The following KCNMA1 variants were observed in gnomAD, a reference collection of about 807,000 sequenced individuals.
KCNMA1 encodes the protein Calcium-activated potassium channel subunit alpha-1.
Under a neutral mutation model 140.0 loss-of-function variants are expected in KCNMA1, and 29 were observed. The ratio of observed to expected loss-of-function variants is 0.21; its 90% CI spans 0.15 to 0.28. KCNMA1 has a LOEUF of 0.28. Among genes scored for constraint, KCNMA1 ranks in the 10% least tolerant of loss-of-function variants. The probability of loss-of-function intolerance (pLI) is 1.00; values close to 1 mark genes in which losing one functional copy is unlikely to be tolerated. For synonymous variants in KCNMA1, 612 were observed against 611.9 expected (o/e 1.00, Z 0.00); for missense variants, 880 against 1,602.2 (o/e 0.55, Z 7.70).
At position 76,884,905 on chromosome 10, in the gene KCNMA1, T is replaced by G. The variant is rs1270664485; in HGVS notation, c.*2361A>C. On this transcript the variant is annotated 3_prime_UTR_variant, in exon 28 of 28. Coordinates refer to ENST00000286628, the MANE Select transcript of KCNMA1 (RefSeq NM_001161352.2). ...AATTTGTAACTCCTTTTTTTTTAAT[T>G]TCACAAAAGTTTTCACAAGGACAAC... 1.4e-6 allele frequency: 2 copies of G among 1,447,282 alleles called. No individual in the cohort carries two copies. The highest frequency in any genetic ancestry group is 1.8e-6 in the Non-Finnish European group (2 of 1,100,018). The allele number at this position is 1,447,282 out of a possible 1,614,324, so 89.7% of individuals were successfully genotyped here.
intron 2 of KCNMA1, among the ~76,000 whole-genome samples, chr10:77,256,026 G>A (rs2060668092): frequency 6.6e-6 from 1 of 152,106 alleles, no homozygotes; most frequent in Non-Finnish European, 1.5e-5. Context: ...GAAAATCCCG[G>A]TGGACCATGA....
At chr10:77,107,965 G>T (rs1415236767) in intron 9 of KCNMA1, among the ~76,000 whole-genome samples, 1 of 152,128 alleles carries the variant, frequency 6.6e-6, no homozygotes, top group Non-Finnish European at 1.5e-5. Context: ...TGAGGGACCA[G>T]AATTTTATCA....
intron 1 of KCNMA1, among the ~76,000 whole-genome samples, chr10:77,496,470 G>A (rs1374462338): frequency 7.9e-5 from 12 of 151,950 alleles, no homozygotes; most frequent in Middle Eastern, 3.4e-3. Flanking sequence ...GGTGGCGGGC[G>A]CCTGTAGTCC....
chr10:77,346,079 T>C (rs1344074222), intron 2 of KCNMA1, among the ~76,000 whole-genome samples: 1 of 152,210 alleles, frequency 6.6e-6, no homozygotes, highest in Non-Finnish European at 1.5e-5. Flanking sequence ...AAACGTTGCT[T>C]TAATTGAACA....
chr10:77,507,547 C>T (rs149933786), intron 1 of KCNMA1, among the ~76,000 whole-genome samples: 2,199 of 152,332 alleles, frequency 0.014, 33 homozygotes, highest in Non-Finnish European at 0.023. Flanking sequence ...GCAGGCTCCA[C>T]GCTCCTGGGT....
intron 1 of KCNMA1, among the ~76,000 whole-genome samples, chr10:77,476,319 A>G (rs2098277150): frequency 6.6e-6 from 1 of 152,186 alleles, no homozygotes; most frequent in South Asian, 2.1e-4. Flanking sequence ...TGGGGAGCTG[A>G]GCTGTTTGGC....
intron 1 of KCNMA1, among the ~76,000 whole-genome samples, chr10:77,551,552 T>C (rs989734964): frequency 6.6e-6 from 1 of 152,232 alleles, no homozygotes; most frequent in East Asian, 1.9e-4. Context: ...TCTGAGGCAC[T>C]GCTCTCCATG....
At chr10:77,510,511 A>G (rs917287814) in intron 1 of KCNMA1, among the ~76,000 whole-genome samples, 6 of 152,214 alleles carry the variant, frequency 3.9e-5, no homozygotes, top group African/African-American at 1.4e-4. Flanking sequence ...TCTCAGGATC[A>G]AATAAGCCTG....
intron 2 of KCNMA1, among the ~76,000 whole-genome samples, chr10:77,335,539 C>T (rs1159956213): frequency 1.3e-5 from 2 of 152,148 alleles, no homozygotes; most frequent in Non-Finnish European, 2.9e-5. Context: ...TAGAGTGAGG[C>T]CTAGGGATGT....
At position 77,138,444 on chromosome 10, in the gene KCNMA1, A is replaced by G. The variant is rs1273731937; in HGVS notation, c.809-17396T>C. ...TGGTCTGACTTTACATCTTAAATAT[A>G]TGTGAAATAACTTATCTTTTCCCTC... is the stretch of plus-strand genomic sequence containing the variant. On this transcript the variant is annotated intron_variant, in intron 5 of 27. Coordinates refer to ENST00000286628, the MANE Select transcript of KCNMA1 (RefSeq NM_001161352.2). Among the ~76,000 whole-genome samples the G allele has an allele frequency of 3.9e-5, 6 of 152,192 alleles. No homozygotes were observed. In the East Asian group the frequency reaches 1.2e-3, roughly 30 times the overall value.
At chr10:77,547,457 G>A (rs1342031315) in intron 1 of KCNMA1, among the ~76,000 whole-genome samples, 1 of 152,158 alleles carries the variant, frequency 6.6e-6, no homozygotes, top group Admixed American at 6.5e-5. Flanking sequence ...CAGGGAGGGA[G>A]GGCATACAGA....
Position 77,571,999 on chromosome 10 carries a change from C to T in KCNMA1, c.378+65266G>A, listed in dbSNP as rs78668464. On this transcript the variant is annotated intron_variant, in intron 1 of 27. Coordinates refer to ENST00000286628, the MANE Select transcript of KCNMA1 (RefSeq NM_001161352.2). ...AATGGAAGGGAGGAAAAAACGCACA[C>T]GCCTGTGTAGTCAGCAGTTCCAATT... Among the ~76,000 whole-genome samples, 1,485 of 152,264 alleles carry T rather than the reference C, an allele frequency of 9.8e-3. 26 individuals are homozygous for T. The highest frequency in any genetic ancestry group is 0.034 in the African/African-American group (1,407 of 41,548).
At chr10:77,587,657 C>A (rs966905964) in intron 1 of KCNMA1, 107 of 977,018 alleles carry the variant, frequency 1.1e-4, no homozygotes, top group Non-Finnish European at 1.2e-4. Flanking sequence ...TCTGAGGACA[C>A]CTTCAGTGGA....
chr10:77,079,445 G>A (rs781717950), intron 13 of KCNMA1, 36 bp downstream of exon 13: 2 of 1,305,720 alleles, frequency 1.5e-6, no homozygotes, highest in South Asian at 1.2e-5. Flanking sequence ...CCTGTGGATG[G>A]GTCTTCAGAC....
intron 16 of KCNMA1, among the ~76,000 whole-genome samples, chr10:77,021,429 A>C (rs2092832387): frequency 6.6e-6 from 1 of 152,220 alleles, no homozygotes; most frequent in Non-Finnish European, 1.5e-5. Context: ...GGTGATTATA[A>C]AACTGAGAGG....
chr10:77,126,426 T>G (rs915642037), intron 5 of KCNMA1, among the ~76,000 whole-genome samples: 24 of 152,352 alleles, frequency 1.6e-4, no homozygotes, highest in African/African-American at 4.6e-4. Flanking sequence ...ACAAGTTCCC[T>G]TGCATTTTTT....
chr10:77,405,425 G>T (rs564216418), intron 1 of KCNMA1, among the ~76,000 whole-genome samples: 18 of 152,348 alleles, frequency 1.2e-4, no homozygotes, highest in African/African-American at 4.3e-4. Flanking sequence ...ATGAATGAAT[G>T]ACTAGAAAGG....
At chr10:77,201,961 T>C (rs2042631953) in intron 3 of KCNMA1, among the ~76,000 whole-genome samples, 1 of 152,204 alleles carries the variant, frequency 6.6e-6, no homozygotes, top group Non-Finnish European at 1.5e-5. Flanking sequence ...TGGGGAAAGC[T>C]TGGAAAGGAT....
intron 3 of KCNMA1, among the ~76,000 whole-genome samples, chr10:77,232,552 T>C (rs2053962094): frequency 6.6e-6 from 1 of 152,252 alleles, no homozygotes; most frequent in African/African-American, 2.4e-5. Flanking sequence ...ACTATTTGTA[T>C]ATCTTCTTTA....
Sources: allele counts gnomAD v4.1 joint callset (sites outside exome capture counted in the v4.1 genomes callset), GRCh38; gene constraint gnomAD v4.1.1; transcripts MANE v1.5; gene names NCBI Gene and HGNC (gene_info 2026-07-23, HGNC 2026-07-21).